The following ARID2 variants were observed in gnomAD, a reference collection of about 807,000 sequenced individuals.
ARID2 encodes the protein AT-rich interaction domain 2.
In ARID2, 32 loss-of-function variants were observed where a neutral mutation model predicts 184.6. The observed-to-expected ratio is 0.17, with a 90% confidence interval of 0.13 to 0.23. The LOEUF (loss-of-function observed/expected upper bound fraction) is 0.23. Among genes scored for constraint, ARID2 ranks in the 10% least tolerant of loss-of-function variants. The pLI is 1.00. For synonymous variants in ARID2, 836 were observed against 772.6 expected, an observed-to-expected ratio of 1.08 and a Z score of -1.36; for missense variants, 1,696 against 2,197.6, an observed-to-expected ratio of 0.77 and a Z score of 4.56.
Position 45,845,317 on chromosome 12 carries a change from T to A in ARID2, c.1499-1539T>A, listed in dbSNP as rs545575057. The stretch of plus-strand genomic sequence containing the variant: ...TATTTTCTGTATTAATATCGTCAAC[T>A]TAGAAGGGGAAGAAAAGATAAGCTA... On this transcript the variant is annotated intron_variant, in intron 11 of 20. Coordinates refer to ENST00000334344, the MANE Select transcript of ARID2 (RefSeq NM_152641.4). Among the ~76,000 whole-genome samples the A allele has an allele frequency of 7.6e-4, 115 of 152,214 alleles. 3 individuals carry two copies. In the South Asian group the frequency reaches 0.022, roughly 29 times the overall value.
intron 3 of ARID2, among the ~76,000 whole-genome samples, chr12:45,765,137 C>T (rs1002977444): frequency 1.3e-5 from 2 of 152,100 alleles, no homozygotes; most frequent in Admixed American, 6.5e-5. Flanking sequence ...TTTTTTTCCA[C>T]TGTATATATT....
At chr12:45,757,554 A>G (rs1941592982) in intron 3 of ARID2, among the ~76,000 whole-genome samples, 1 of 152,228 alleles carries the variant, frequency 6.6e-6, no homozygotes, top group East Asian at 1.9e-4. Flanking sequence ...TAGTTCTGGG[A>G]TGATTGATCA....
At chr12:45,784,728 GTA>G (rs1942164147) in intron 3 of ARID2, among the ~76,000 whole-genome samples, 1 of 152,116 alleles carries the variant, frequency 6.6e-6, no homozygotes, top group African/African-American at 2.4e-5. Flanking sequence ...AGTATCTTTT[GTA>G]TATATGTTTG....
intron 11 of ARID2, among the ~76,000 whole-genome samples, chr12:45,846,651 A>G (rs1013118087): frequency 6.6e-6 from 1 of 152,168 alleles, no homozygotes; most frequent in Non-Finnish European, 1.5e-5. Context: ...AAAATAGTTC[A>G]TATGAATCCT....
At chr12:45,781,686 A>G (rs2059405) in intron 3 of ARID2, among the ~76,000 whole-genome samples, 22,505 of 152,004 alleles carry the variant, frequency 0.15, 2,005 homozygotes, top group Admixed American at 0.21. Context: ...TGAATTTCCC[A>G]GGGCTGTATT....
intron 3 of ARID2, among the ~76,000 whole-genome samples, chr12:45,810,976 G>A (rs938015090): frequency 3.3e-5 from 5 of 151,948 alleles, no homozygotes; most frequent in East Asian, 1.9e-4. Context: ...TTGGGAGGCC[G>A]AGGTGGGTGG....
chr12:45,907,365 GAACA>G lies in ARID2; in HGVS notation c.*2291_*2294del, dbSNP rs778512260. ...GTGGTAATTAAATTAATAGAAAAGA[GAACA>G]AACTGCAGGTTTAGAAAAATGGTTT... On this transcript the variant is annotated 3_prime_UTR_variant, in exon 21 of 21. Transcript: ENST00000334344. 5.6e-5 allele frequency: 13 copies of G among 233,186 alleles called. No homozygotes were observed. The highest frequency in any genetic ancestry group is 1.0e-4 in the Non-Finnish European group (12 of 117,888). The allele number at this position is 233,186 out of a possible 1,614,324, so 14.4% of individuals were successfully genotyped here.
intron 3 of ARID2, among the ~76,000 whole-genome samples, chr12:45,761,769 A>T (rs770998783): frequency 5.3e-5 from 8 of 151,780 alleles, no homozygotes; most frequent in Non-Finnish European, 8.8e-5. Flanking sequence ...CATATTGTGA[A>T]TTCTGCAAAA....
intron 11 of ARID2, 69 bp from the exon 12 acceptor site, chr12:45,846,787 T>C: frequency 1.4e-6 from 2 of 1,455,662 alleles, no homozygotes; most frequent in South Asian, 2.3e-5. Context: ...TCAATATCCA[T>C]AAAAAAAAGT....
intron 16 of ARID2, among the ~76,000 whole-genome samples, chr12:45,890,297 A>G (rs1229618385): frequency 6.6e-6 from 1 of 152,202 alleles, no homozygotes; most frequent in African/African-American, 2.4e-5. Flanking sequence ...CACCATTTTT[A>G]TTGTTGCAAA....
Position 45,852,834 on chromosome 12 carries a change from G to C in ARID2, c.4711G>C (p.Glu1571Gln), listed in dbSNP as rs1943581809. The C allele has an allele frequency of 6.2e-7, 1 of 1,613,436 alleles. No homozygotes were observed. Among genetic ancestry groups the C allele is most frequent in the Admixed American group, 1.7e-5 (1 of 59,966 alleles). The change falls in exon 15 of 21, where the codon GAA becomes CAA. Residue 1571 changes from glutamate to glutamine, a missense_variant. Transcript: ENST00000334344. Reference protein sequence around the residue: ...DPSTVAKVAIESAVQQKQQHP... With the variant: ...DPSTVAKVAIQSAVQQKQQHP... ...AAGCACTGTAGCTAAAGTAGCAATA[G>C]AAAGTGCTGTTCAGCAAAAGCAACA...
At chr12:45,798,401 A>G (rs886225801) in intron 3 of ARID2, among the ~76,000 whole-genome samples, 2 of 152,196 alleles carry the variant, frequency 1.3e-5, no homozygotes, top group African/African-American at 2.4e-5. Context: ...AAATCTGGAA[A>G]ACCAGGAATT....
At chr12:45,864,077 G>A (rs1343541745) in intron 16 of ARID2, among the ~76,000 whole-genome samples, 1 of 151,510 alleles carries the variant, frequency 6.6e-6, no homozygotes, top group Non-Finnish European at 1.5e-5. Context: ...GGCTGTTCTC[G>A]AACTCCTGAA....
intron 16 of ARID2, among the ~76,000 whole-genome samples, chr12:45,864,292 T>TACC (rs1459597769): frequency 1.3e-5 from 2 of 152,088 alleles, no homozygotes; most frequent in South Asian, 2.1e-4. Context: ...AAATACTATA[T>TACC]ACCACCACCA....
At chr12:45,897,969 T>G (rs1462980005) in intron 20 of ARID2, among the ~76,000 whole-genome samples, 1 of 151,952 alleles carries the variant, frequency 6.6e-6, no homozygotes, top group African/African-American at 2.4e-5. Flanking sequence ...TCTCAGTTTT[T>G]GTGTTTTTAG....
At chr12:45,876,861 G>A (rs1481309654) in intron 16 of ARID2, among the ~76,000 whole-genome samples, 2 of 151,550 alleles carry the variant, frequency 1.3e-5, no homozygotes, top group Non-Finnish European at 2.9e-5. Flanking sequence ...AGGCTGAGGT[G>A]GGCGGATCAC....
In ARID2 at chr12:45,839,511, A is replaced by T. The variant is rs1339498849; in HGVS notation, c.1498+15A>T. On this transcript the variant is annotated intron_variant, in intron 11 of 20. Transcript: ENST00000334344. ...ATCTGCCCCAGGTTAGTGTTTTCAC[A>T]TATTCTTTTTCAGTGTGGTTACGAG... The T allele has an allele frequency of 6.2e-7, 1 of 1,604,064 alleles. No homozygotes were observed. Among genetic ancestry groups the T allele is most frequent in the South Asian group, 1.1e-5 (1 of 89,234 alleles).
intron 3 of ARID2, among the ~76,000 whole-genome samples, chr12:45,790,480 G>A (rs1196536819): frequency 6.6e-6 from 1 of 151,924 alleles, no homozygotes; most frequent in East Asian, 1.9e-4. Flanking sequence ...TGTTTATGTG[G>A]TTCTCTCAGT....
intron 6 of ARID2, among the ~76,000 whole-genome samples, chr12:45,829,931 T>C (rs1943080716): frequency 1.3e-5 from 2 of 150,572 alleles, no homozygotes; most frequent in Non-Finnish European, 3.0e-5. Context: ...ATTTGTTAAA[T>C]TTCTATTTTA....
Sources: gnomAD v4.1 joint callset for allele counts (sites outside exome capture counted in the v4.1 genomes callset) on GRCh38, gnomAD v4.1.1 for gene constraint, MANE v1.5 for transcripts, NCBI Gene and HGNC (gene_info 2026-07-23, HGNC 2026-07-21) for gene names.